The following RPN2 variants were observed in gnomAD, a reference collection of about 807,000 sequenced individuals.
RPN2 encodes ribophorin II.
In RPN2, 29 loss-of-function variants were observed where a neutral mutation model predicts 71.4. The ratio of observed to expected loss-of-function variants is 0.41; its 90% CI spans 0.30 to 0.55. The LOEUF (loss-of-function observed/expected upper bound fraction) is 0.55, where lower values mean the gene tolerates loss of function less well. RPN2 is among the 20% of genes least tolerant of loss of function. The pLI, the probability that RPN2 is intolerant of heterozygous loss-of-function variation, is 0.35. For missense variants in RPN2, 726 were observed against 774.1 expected, an observed-to-expected ratio of 0.94 and a Z score of 0.74; for synonymous variants, 308 against 305.0, an observed-to-expected ratio of 1.01 and a Z score of -0.10.
chr20:37,236,568 CT>C lies in RPN2; in HGVS notation c.1754-11del, dbSNP rs759601254. 13 of 1,614,032 alleles carry C rather than the reference CT, an allele frequency of 8.1e-6. No homozygotes were observed. The highest frequency in any genetic ancestry group is 1.1e-5 in the Non-Finnish European group (13 of 1,179,956). ...TTCATTTAATTGGATGTCATGACAC[CT>C]CTTCTTGCAGCTATGCTGGGACTCA... On this transcript the variant is annotated splice_polypyrimidine_tract_variant and intron_variant, in intron 15 of 16. Transcript: ENST00000237530.
rs2068400468 is a variant in RPN2 at position 37,236,619 on chromosome 20, A to G, written c.1793A>G (p.Asn598Ser). 6.2e-7 allele frequency: 1 copy of G among 1,614,094 alleles called. No homozygotes were observed. Among genetic ancestry groups the G allele is most frequent in the Non-Finnish European group, 8.5e-7 (1 of 1,179,944 alleles). ...GLMYVYWTQL[N>S]MFQTLKYLAI... ...ATGTATGTCTACTGGACTCAGCTCA[A>G]CATGTTCCAGACCTTGAAGTACCTG... The change falls in exon 16 of 17, where the codon AAC (asparagine) becomes AGC (serine). Residue 598 changes from asparagine (N) to serine (S), a missense_variant. Coordinates refer to ENST00000237530, the MANE Select transcript of RPN2 (RefSeq NM_002951.5).
chr20:37,207,171 G>A, intron 6 of RPN2, 102 bp from the exon 7 acceptor site: 1 of 916,968 alleles, frequency 1.1e-6, no homozygotes, highest in South Asian at 1.3e-5. Context: ...GACCTCCCAT[G>A]TGAACACCCG....
At chr20:37,190,113 A>G (rs2146531054) in intron 2 of RPN2, among the ~76,000 whole-genome samples, 1 of 152,352 alleles carries the variant, frequency 6.6e-6, no homozygotes, top group South Asian at 2.1e-4. Flanking sequence ...GTGGAACCAC[A>G]GGATTCGGTG....
chr20:37,210,291 A>G, intron 8 of RPN2, 126 bp downstream of exon 8: 2 of 1,526,432 alleles, frequency 1.3e-6, no homozygotes, highest in Non-Finnish European at 1.8e-6. Flanking sequence ...GAAAGCCTAC[A>G]GTCGAATGTA....
chr20:37,209,358 T>C (rs1352591986), intron 7 of RPN2, among the ~76,000 whole-genome samples: 1 of 152,226 alleles, frequency 6.6e-6, no homozygotes, highest in Non-Finnish European at 1.5e-5. Flanking sequence ...GGGGTCTCAC[T>C]GTATTGCCCA....
In RPN2 at chr20:37,232,718, TA is replaced by T. The variant is rs376342287; in HGVS notation, c.1677+333del. On this transcript the variant is annotated intron_variant, in intron 14 of 16. Coordinates refer to ENST00000237530, the MANE Select transcript of RPN2 (RefSeq NM_002951.5). ...GAGCGAGATCCGATGCTGGTAGCTATAAAAAACAGCACAAAGGCTGTGGATT... is the reference window on the plus strand; with the variant it reads ...GAGCGAGATCCGATGCTGGTAGCTATAAAAACAGCACAAAGGCTGTGGATT... 2.0e-5 allele frequency among the ~76,000 whole-genome samples: 3 copies of T among 152,112 alleles called. No homozygotes were observed. The South Asian group carries it at 6.2e-4, about 32-fold the overall frequency.
rs181368193 is a variant in RPN2 at position 37,184,490 on chromosome 20, A to G, written c.207+117A>G. The G allele has an allele frequency of 4.2e-4, 393 of 942,650 alleles. 2 individuals carry two copies. The highest frequency in any genetic ancestry group is 1.4e-3 in the South Asian group (101 of 72,050). The allele number at this position is 942,650 out of a possible 1,614,324, so 58.4% of individuals were successfully genotyped here. ...TGCTCATTTGAGGATAACCAAGGTT[A>G]ATCCAATATAAGAAATATTTGGCCA... On this transcript the variant is annotated intron_variant, in intron 2 of 16. Coordinates refer to ENST00000237530, the MANE Select transcript of RPN2 (RefSeq NM_002951.5).
intron 2 of RPN2, among the ~76,000 whole-genome samples, chr20:37,188,741 C>T (rs1236197500): frequency 2.0e-5 from 3 of 151,074 alleles, no homozygotes; most frequent in African/African-American, 7.3e-5. Context: ...CTCTGCCCCT[C>T]GAGTAGCTGG....
At chr20:37,238,518 C>A in intron 16 of RPN2, 2 of 1,083,426 alleles carry the variant, frequency 1.8e-6, no homozygotes, top group Non-Finnish European at 1.4e-6. Context: ...TCATGCATGT[C>A]AGTTATCTCT....
intron 8 of RPN2, 37 bp downstream of exon 8, chr20:37,210,202 C>A (rs776437300): frequency 2.5e-6 from 4 of 1,610,894 alleles, no homozygotes; most frequent in Non-Finnish European, 3.4e-6. Context: ...GCGCTGACCT[C>A]TTTGTTTTGG....
At chr20:37,213,896 T>G (rs774068835) in intron 9 of RPN2, 31 bp downstream of exon 9, 1 of 1,504,276 alleles carries the variant, frequency 6.6e-7, no homozygotes, top group Non-Finnish European at 9.3e-7. Flanking sequence ...CCCATTGCCA[T>G]GTTAGTATAT....
At chr20:37,229,818 C>A (rs1335814077) in intron 12 of RPN2, 155 bp from the exon 13 acceptor site, 9 of 686,582 alleles carry the variant, frequency 1.3e-5, no homozygotes, top group Non-Finnish European at 1.6e-5. Context: ...AAAGTTTTTA[C>A]TGCCTCAATT....
At chr20:37,207,486 A>T (rs1079657) in intron 7 of RPN2, 37 bp downstream of exon 7, 18 of 1,601,852 alleles carry the variant, frequency 1.1e-5, no homozygotes, top group Non-Finnish European at 1.5e-5. Context: ...CCCTCTGATT[A>T]TCATTCCTAG....
chr20:37,202,271 A>T (rs190113472), intron 4 of RPN2, among the ~76,000 whole-genome samples: 1 of 152,194 alleles, frequency 6.6e-6, no homozygotes, highest in African/African-American at 2.4e-5. Context: ...TCTCAAGTGT[A>T]TGATAACAGC....
chr20:37,210,991 C>T (rs2067649253), intron 8 of RPN2, among the ~76,000 whole-genome samples: 1 of 151,812 alleles, frequency 6.6e-6, no homozygotes, highest in Non-Finnish European at 1.5e-5. Context: ...AGTTTGAGAC[C>T]AGCCTGGGCA....
chr20:37,238,597 A>C, intron 16 of RPN2: 2 of 730,890 alleles, frequency 2.7e-6, no homozygotes, highest in Non-Finnish European at 5.0e-6. Flanking sequence ...GCTGCTTTTC[A>C]ACTTGCTAGA....
chr20:37,197,081 G>C (rs975950954), intron 2 of RPN2, among the ~76,000 whole-genome samples: 1 of 152,132 alleles, frequency 6.6e-6, no homozygotes, highest in African/African-American at 2.4e-5. Flanking sequence ...TGGGTAGCAG[G>C]GTCAAACACG....
At chr20:37,198,610 AATTCC>A in intron 3 of RPN2, 118 bp downstream of exon 3, 2 of 1,472,164 alleles carry the variant, frequency 1.4e-6, no homozygotes, top group Non-Finnish European at 1.8e-6. Flanking sequence ...TGTGAGTGGG[AATTCC>A]ATTCCTGTGA....
At chr20:37,184,109 C>T in intron 1 of RPN2, 71 bp from the exon 2 acceptor site, 2 of 1,556,520 alleles carry the variant, frequency 1.3e-6, no homozygotes, top group East Asian at 2.2e-5. Flanking sequence ...TCTTGGTGTG[C>T]ATCATCATTG....
Sources: allele counts gnomAD v4.1 joint callset (sites outside exome capture counted in the v4.1 genomes callset), GRCh38; gene constraint gnomAD v4.1.1; transcripts MANE v1.5; gene names NCBI Gene and HGNC (gene_info 2026-07-23, HGNC 2026-07-21).